The following HIKESHI variants were observed in gnomAD, a reference collection of about 807,000 sequenced individuals.
The protein encoded by HIKESHI is protein Hikeshi.
A neutral mutation model predicts 25.7 loss-of-function variants in HIKESHI; 13 were observed. The observed-to-expected ratio is 0.51, with a 90% CI of 0.33 to 0.80. HIKESHI has a LOEUF of 0.80. Among genes scored for constraint, HIKESHI ranks in the 30% least tolerant of loss-of-function variants. The pLI is 0.02. For missense variants in HIKESHI, 174 were observed against 229.5 expected (o/e 0.76, Z 1.56); for synonymous variants, 76 against 78.7 (o/e 0.97, Z 0.18).
At chr11:86,315,286 G>A (rs80236832) in intron 2 of HIKESHI, among the ~76,000 whole-genome samples, 2 of 151,462 alleles carry the variant, frequency 1.3e-5, no homozygotes, top group African/African-American at 2.4e-5. Context: ...AAACCAAATA[G>A]AATAATATCA....
At chr11:86,319,952 T>A (rs990596270) in intron 2 of HIKESHI, among the ~76,000 whole-genome samples, 23 of 152,240 alleles carry the variant, frequency 1.5e-4, no homozygotes, top group East Asian at 5.8e-4. Context: ...TCATTTTTTT[T>A]AATATCTGTA....
In HIKESHI at chr11:86,337,430, C is replaced by T. The variant is rs747402977; in HGVS notation, c.320C>T (p.Ser107Phe). 3 of 1,614,036 alleles carry T rather than the reference C, an allele frequency of 1.9e-6. No homozygotes were observed. The highest frequency in any genetic ancestry group is 2.5e-6 in the Non-Finnish European group (3 of 1,179,952). ...FGAMNIVRTP[S>F]VAQIGISVEL... Reference sequence around the variant, plus strand: ...GCCATGAATATTGTCCGAACTCCATCTGTTGCTCAGATTGGAATTTCAGTG... The same window carrying T: ...GCCATGAATATTGTCCGAACTCCATTTGTTGCTCAGATTGGAATTTCAGTG... The change falls in exon 3 of 5, where the codon TCT becomes TTT. Residue 107 changes from serine (S) to phenylalanine (F), a missense_variant. Transcript: ENST00000278483.
At chr11:86,312,465 A>G (rs1312262235) in intron 2 of HIKESHI, among the ~76,000 whole-genome samples, 1 of 152,036 alleles carries the variant, frequency 6.6e-6, no homozygotes, top group Non-Finnish European at 1.5e-5. Context: ...TGCACGTGAG[A>G]TGGGTCTCCT....
intron 2 of HIKESHI, among the ~76,000 whole-genome samples, chr11:86,306,769 CG>C (rs1478653755): frequency 9.2e-5 from 14 of 151,474 alleles, no homozygotes; most frequent in African/African-American, 3.4e-4. Context: ...GAGGCCCTGG[CG>C]GGCGGATCAC....
chr11:86,340,181 T>C (rs1050785457), intron 3 of HIKESHI, among the ~76,000 whole-genome samples: 8 of 152,236 alleles, frequency 5.3e-5, no homozygotes, highest in Non-Finnish European at 1.0e-4. Context: ...TCCAAGTTTT[T>C]GCTATTGTGA....
chr11:86,318,558 A>G (rs1331096813), intron 2 of HIKESHI, among the ~76,000 whole-genome samples: 5 of 152,044 alleles, frequency 3.3e-5, no homozygotes, highest in African/African-American at 1.2e-4. Flanking sequence ...GCCAAAGACA[A>G]TATGAGAGAG....
At chr11:86,337,643 T>A in intron 3 of HIKESHI, 113 bp downstream of exon 3, 1 of 1,170,592 alleles carries the variant, frequency 8.5e-7, no homozygotes, top group Non-Finnish European at 1.2e-6. Flanking sequence ...TTGATACATG[T>A]TTACATTTTG....
chr11:86,326,970 A>G (rs904840463), intron 2 of HIKESHI, among the ~76,000 whole-genome samples: 2 of 152,098 alleles, frequency 1.3e-5, no homozygotes, highest in Non-Finnish European at 2.9e-5. Flanking sequence ...GTGTGCCTAT[A>G]GTCCTAACTA....
chr11:86,339,439 A>G (rs998222926), intron 3 of HIKESHI, among the ~76,000 whole-genome samples: 1 of 152,330 alleles, frequency 6.6e-6, no homozygotes, highest in Non-Finnish European at 1.5e-5. Context: ...ATGGTGGGGT[A>G]TACATTAAGA....
At chr11:86,338,428 G>A (rs1159222316) in intron 3 of HIKESHI, among the ~76,000 whole-genome samples, 1 of 152,202 alleles carries the variant, frequency 6.6e-6, no homozygotes, top group Non-Finnish European at 1.5e-5. Context: ...ATGGATATAT[G>A]GGTACAGATT....
chr11:86,322,492 G>C (rs918516002), intron 2 of HIKESHI, among the ~76,000 whole-genome samples: 1 of 151,968 alleles, frequency 6.6e-6, no homozygotes, highest in African/African-American at 2.4e-5. Context: ...CTTGATACAA[G>C]TTCCTTATCA....
chr11:86,325,177 C>CA (rs1361741492), intron 2 of HIKESHI, among the ~76,000 whole-genome samples: 148 of 142,890 alleles, frequency 1.0e-3, no homozygotes, highest in Non-Finnish European at 1.7e-3. Flanking sequence ...GACCCTGTCT[C>CA]AAAAAAAAAG....
At chr11:86,307,402 CATTATATATCAATATATTA>C (rs1270520988) in intron 2 of HIKESHI, among the ~76,000 whole-genome samples, 2 of 122,176 alleles carry the variant, frequency 1.6e-5, no homozygotes, top group Non-Finnish European at 3.2e-5. Context: ...GTGTAATATA[CATTATATATCAATATATTA>C]TGTGTAGTAT....
chr11:86,342,028 T>G (rs1336127061), intron 3 of HIKESHI, among the ~76,000 whole-genome samples: 1 of 151,384 alleles, frequency 6.6e-6, no homozygotes, highest in Non-Finnish European at 1.5e-5. Context: ...ATGTTCTCAC[T>G]AACATTTATC....
chr11:86,321,945 C>T (rs766020319), intron 2 of HIKESHI, among the ~76,000 whole-genome samples: 3 of 152,002 alleles, frequency 2.0e-5, no homozygotes, highest in Middle Eastern at 3.2e-3. Context: ...ATTCCCTTGT[C>T]GTTTTAATTT....
chr11:86,302,364 T>C lies in HIKESHI; in HGVS notation c.-85T>C. 6.6e-7 allele frequency: 1 copy of C among 1,517,160 alleles called. No individual in the cohort carries two copies. The highest frequency in any genetic ancestry group is 2.0e-5 in the Admixed American group (1 of 50,904). 94.0% of individuals were successfully genotyped at this position (1,517,160 alleles called of 1,614,324 possible). A position where few individuals can be genotyped will look rare whatever the true frequency, so the allele number is the denominator to read the frequency against. On this transcript the variant is annotated 5_prime_UTR_variant, in exon 1 of 5. Coordinates refer to ENST00000278483, the MANE Select transcript of HIKESHI (RefSeq NM_016401.4). ...ACACCCTCCCGCAAATTCTGGAAGG[T>C]TCTTAGTCTCGACTAGGGCAGTAGC...
At chr11:86,320,436 C>G (rs549026141) in intron 2 of HIKESHI, among the ~76,000 whole-genome samples, 1 of 152,080 alleles carries the variant, frequency 6.6e-6, no homozygotes, top group Non-Finnish European at 1.5e-5. Context: ...ATTAGCTGGG[C>G]GTGCTGGCAG....
At chr11:86,315,758 A>G (rs2138327913) in intron 2 of HIKESHI, among the ~76,000 whole-genome samples, 1 of 152,320 alleles carries the variant, frequency 6.6e-6, no homozygotes, top group South Asian at 2.1e-4. Flanking sequence ...GAGTGTAGAA[A>G]AGGATGCAAG....
At chr11:86,317,788 GA>G (rs200338492) in intron 2 of HIKESHI, among the ~76,000 whole-genome samples, 2 of 151,094 alleles carry the variant, frequency 1.3e-5, no homozygotes, top group Admixed American at 6.6e-5. Context: ...CTGGGCGATA[GA>G]AAAAAAACAA....
Sources: gnomAD v4.1 joint callset for allele counts (sites outside exome capture counted in the v4.1 genomes callset) on GRCh38, gnomAD v4.1.1 for gene constraint, MANE v1.5 for transcripts, NCBI Gene and HGNC (gene_info 2026-07-23, HGNC 2026-07-21) for gene names.